MAMDC2: variants seen among roughly 807,000 people sequenced by gnomAD.
MAMDC2 encodes MAM domain containing 2, also known as MAM domain-containing protein 2.
MAMDC2 carries 57 observed loss-of-function variants against 89.8 expected under a neutral mutation model. The ratio of observed to expected loss-of-function variants is 0.63; its 90% CI spans 0.51 to 0.79. The LOEUF is 0.79. Ranked by LOEUF, MAMDC2 falls within the 30% of genes least tolerant of loss-of-function variation. The pLI, the probability that MAMDC2 is intolerant of heterozygous loss-of-function variation, is 0.00. For synonymous variants in MAMDC2, 313 were observed against 293.4 expected, an observed-to-expected ratio of 1.07 and a Z score of -0.68; for missense variants, 800 against 820.6, an observed-to-expected ratio of 0.97 and a Z score of 0.31.
chr9:70,174,052 C>T (rs1478813068), intron 11 of MAMDC2, among the ~76,000 whole-genome samples: 2 of 152,190 alleles, frequency 1.3e-5, no homozygotes, highest in African/African-American at 4.8e-5. Flanking sequence ...CTCTCTAAGC[C>T]TATTTTCTTT....
chr9:70,068,149 T>C (rs1000060172), intron 2 of MAMDC2, among the ~76,000 whole-genome samples: 3 of 152,198 alleles, frequency 2.0e-5, no homozygotes, highest in African/African-American at 4.8e-5. Context: ...GGTTTTGACA[T>C]CTCAAAAGTA....
chr9:70,194,279 T>C (rs2032937268), intron 11 of MAMDC2: 1 of 152,114 alleles, frequency 6.6e-6, no homozygotes, highest in Non-Finnish European at 1.5e-5. Flanking sequence ...ATGATTTGAA[T>C]GTGTCTCCTC....
chr9:70,074,029 T>C (rs1587446182), intron 2 of MAMDC2, among the ~76,000 whole-genome samples: 1 of 152,188 alleles, frequency 6.6e-6, no homozygotes. Flanking sequence ...CATGTAATAG[T>C]TTGTGTATGA....
At chr9:70,210,168 G>A (rs2033321381) in intron 11 of MAMDC2, among the ~76,000 whole-genome samples, 1 of 152,180 alleles carries the variant, frequency 6.6e-6, no homozygotes, top group South Asian at 2.1e-4. Context: ...GTGCAGAGAT[G>A]AGTTCAATTC....
At chr9:70,067,384 T>C (rs1827292146) in intron 2 of MAMDC2, among the ~76,000 whole-genome samples, 1 of 152,122 alleles carries the variant, frequency 6.6e-6, no homozygotes, top group South Asian at 2.1e-4. Flanking sequence ...CCCTCATCTG[T>C]GGCATAGATA....
At chr9:70,049,598 G>T (rs575130719) in intron 2 of MAMDC2, among the ~76,000 whole-genome samples, 1 of 152,252 alleles carries the variant, frequency 6.6e-6, no homozygotes, top group East Asian at 1.9e-4. Context: ...GGGCTACTTG[G>T]TCCTGCATTA....
At chr9:70,061,612 T>C (rs1343182026) in intron 2 of MAMDC2, among the ~76,000 whole-genome samples, 1 of 152,130 alleles carries the variant, frequency 6.6e-6, no homozygotes, top group Non-Finnish European at 1.5e-5. Context: ...GGTGCAAAAT[T>C]TAAGATGGTG....
intron 2 of MAMDC2, among the ~76,000 whole-genome samples, chr9:70,077,375 C>T (rs976007937): frequency 3.9e-5 from 6 of 152,160 alleles, no homozygotes; most frequent in South Asian, 2.1e-4. Flanking sequence ...ACTGGACCAG[C>T]GATGTCCAAT....
At chr9:70,219,028 A>G (rs938840168) in intron 12 of MAMDC2, among the ~76,000 whole-genome samples, 28 of 152,170 alleles carry the variant, frequency 1.8e-4, no homozygotes, top group Admixed American at 5.2e-4. Flanking sequence ...AGCATGGTCC[A>G]GAGTAAGTTT....
chr9:70,212,861 A>G (rs150212060), intron 11 of MAMDC2, among the ~76,000 whole-genome samples: 3 of 152,320 alleles, frequency 2.0e-5, no homozygotes, highest in Non-Finnish European at 4.4e-5. Flanking sequence ...AACTGAAAGC[A>G]TAGTAGACTT....
At chr9:70,048,988 A>G (rs1345125088) in intron 2 of MAMDC2, among the ~76,000 whole-genome samples, 2 of 152,202 alleles carry the variant, frequency 1.3e-5, no homozygotes, top group Non-Finnish European at 2.9e-5. Context: ...ACACTCAGCT[A>G]CCTGGAAGAG....
intron 11 of MAMDC2, among the ~76,000 whole-genome samples, chr9:70,209,244 T>C (rs963766523): frequency 1.3e-5 from 2 of 152,244 alleles, no homozygotes; most frequent in African/African-American, 4.8e-5. Flanking sequence ...AATTCGGCTG[T>C]GAATCCATCT....
At chr9:70,172,561 T>C (rs1451108877) in intron 11 of MAMDC2, 2 of 152,740 alleles carry the variant, frequency 1.3e-5, no homozygotes, top group African/African-American at 4.8e-5. Context: ...ACAACCCACA[T>C]AGATTTTTCT....
intron 2 of MAMDC2, among the ~76,000 whole-genome samples, chr9:70,103,592 G>A (rs1828251478): frequency 6.6e-6 from 1 of 151,556 alleles, no homozygotes; most frequent in African/African-American, 2.4e-5. Context: ...TGGCTTCTTA[G>A]CTACGATGCC....
intron 11 of MAMDC2, among the ~76,000 whole-genome samples, chr9:70,185,506 C>G (rs1049277131): frequency 1.3e-5 from 2 of 152,220 alleles, no homozygotes; most frequent in Non-Finnish European, 2.9e-5. Context: ...ACAGCTACCC[C>G]TTCCCCCAGG....
Position 70,226,018 on chromosome 9 carries a change from G to A in MAMDC2, c.2047G>A (p.Glu683Lys). 6.4e-7 allele frequency: 1 copy of A among 1,573,002 alleles called. No homozygotes were observed. The highest frequency in any genetic ancestry group is 8.7e-7 in the Non-Finnish European group (1 of 1,154,430). ...QSSGYSEDLN[E>K]IEY ...ATCAGGATATTCTGAGGACTTAAAT[G>A]AAATTGAGTATTAAGAAATGATCTG... Residue 683 changes from glutamate to lysine, a missense_variant, in exon 14 of 14, where the codon GAA becomes AAA. Transcript: ENST00000377182.
intron 5 of MAMDC2, among the ~76,000 whole-genome samples, chr9:70,116,841 G>C (rs970941979): frequency 2.0e-5 from 3 of 152,106 alleles, no homozygotes; most frequent in African/African-American, 7.2e-5. Context: ...TGCTGGTAGG[G>C]TGCTGTCACC....
chr9:70,046,544 C>T (rs1563929938), intron 2 of MAMDC2, among the ~76,000 whole-genome samples: 2 of 152,234 alleles, frequency 1.3e-5, no homozygotes, highest in African/African-American at 4.8e-5. Context: ...TCACAGCCTG[C>T]CTCTGGTCAG....
rs1469045041 is a variant in MAMDC2, at chr9:70,140,244, T to TA, written c.1098dup (p.Pro367ThrfsTer60). 2 of 1,602,022 alleles carry TA rather than the reference T, an allele frequency of 1.2e-6. No individual in the cohort carries two copies. The highest frequency in any genetic ancestry group is 2.7e-5 in the African/African-American group (2 of 73,992). On this transcript the variant is annotated frameshift_variant, in exon 8 of 14. Transcript: ENST00000377182. LOFTEE classifies it high-confidence loss of function. ...GGTCCAGGTTGGACCCGAGTGAAAG[T>TA]AAAACCAAACATGTATCGGGCTGGA...
Sources: allele counts gnomAD v4.1 joint callset (sites outside exome capture counted in the v4.1 genomes callset), GRCh38; gene constraint gnomAD v4.1.1; transcripts MANE v1.5; gene names NCBI Gene and HGNC (gene_info 2026-07-23, HGNC 2026-07-21).